The following CLNK variants were observed in gnomAD, a reference collection of about 807,000 sequenced individuals.
CLNK encodes cytokine-dependent hematopoietic cell linker.
CLNK carries 74 observed loss-of-function variants against 68.6 expected under a neutral mutation model. The observed-to-expected ratio is 1.08, with a 90% CI of 0.89 to 1.31. CLNK has a LOEUF of 1.31. Ranked by LOEUF, CLNK falls within the 50% of genes most tolerant of loss-of-function variation. CLNK has a pLI of 0.00. For missense variants in CLNK, 553 were observed against 515.3 expected, an observed-to-expected ratio of 1.07 and a Z score of -0.71; for synonymous variants, 198 against 172.2, an observed-to-expected ratio of 1.15 and a Z score of -1.17.
intron 4 of CLNK, among the ~76,000 whole-genome samples, chr4:10,576,401 C>A (rs895208813): frequency 5.3e-5 from 8 of 152,192 alleles, no homozygotes; most frequent in Admixed American, 3.9e-4. Context: ...CCACAGACAC[C>A]AGACAGCTCC....
chr4:10,589,777 T>C (rs1300839864), intron 3 of CLNK, among the ~76,000 whole-genome samples: 1 of 152,214 alleles, frequency 6.6e-6, no homozygotes, highest in Non-Finnish European at 1.5e-5. Context: ...ACTCTGCAAC[T>C]TGACAGCCCA....
At chr4:10,594,046 C>A (rs988052084) in intron 3 of CLNK, among the ~76,000 whole-genome samples, 4 of 152,192 alleles carry the variant, frequency 2.6e-5, no homozygotes, top group African/African-American at 9.7e-5. Context: ...GCGTCTGTGT[C>A]TGCCATGGTG....
At chr4:10,585,055 T>G in intron 3 of CLNK, 100 bp from the exon 4 acceptor site, 1 of 1,269,616 alleles carries the variant, frequency 7.9e-7, no homozygotes, top group Non-Finnish European at 1.1e-6. Flanking sequence ...ATTGTACAAG[T>G]CAGCCTCTGA....
intron 1 of CLNK, among the ~76,000 whole-genome samples, chr4:10,679,665 A>G (rs1406394221): frequency 6.6e-6 from 1 of 152,258 alleles, no homozygotes; most frequent in Admixed American, 6.5e-5. Flanking sequence ...AAACAAATTT[A>G]CAAGAAAAAA....
chr4:10,518,537 A>T (rs955769424), intron 15 of CLNK, among the ~76,000 whole-genome samples: 3 of 152,206 alleles, frequency 2.0e-5, no homozygotes, highest in Non-Finnish European at 4.4e-5. Flanking sequence ...ATGATCTACA[A>T]TCCCAGACTT....
At chr4:10,616,822 A>G (rs1226583818) in intron 2 of CLNK, among the ~76,000 whole-genome samples, 1 of 21,650 alleles carries the variant, frequency 4.6e-5, no homozygotes, top group Non-Finnish European at 1.7e-4. Flanking sequence ...ATATATATAT[A>G]TACACGCATT....
chr4:10,489,378 T>C lies in CLNK; in HGVS notation c.*1089A>G, dbSNP rs994876473. ...TTGAATGGAAGTCCATAATTGGAAT[T>C]GTTAATACAATTTTTAGTTTCCCTC... On this transcript the variant is annotated 3_prime_UTR_variant, in exon 19 of 19. Transcript: ENST00000226951. 5 of 152,334 alleles carry C rather than the reference T, an allele frequency of 3.3e-5. No individual in the cohort carries two copies. In the East Asian group the frequency reaches 5.8e-4, roughly 18 times the overall value. The allele number at this position is 152,334 out of a possible 1,614,324, so 9.4% of individuals were successfully genotyped here.
intron 2 of CLNK, among the ~76,000 whole-genome samples, chr4:10,606,100 C>G (rs1480143325): frequency 6.6e-6 from 1 of 152,114 alleles, no homozygotes; most frequent in Non-Finnish European, 1.5e-5. Context: ...AATGTTGACT[C>G]TTGTAATAAC....
chr4:10,637,025 T>C (rs151269683), intron 2 of CLNK, among the ~76,000 whole-genome samples: 5,091 of 152,292 alleles, frequency 0.033, 110 homozygotes, highest in Non-Finnish European at 0.052. Context: ...TGTTGCAGTA[T>C]GGAGCAGGGC....
intron 5 of CLNK, 38 bp from the exon 6 acceptor site, chr4:10,566,188 G>C (rs757336903): frequency 6.2e-7 from 1 of 1,604,860 alleles, no homozygotes; most frequent in African/African-American, 1.3e-5. Context: ...TCAAAGGAAG[G>C]TACAATGTTG....
At chr4:10,705,499 C>T in the CLNK span, among the ~76,000 whole-genome samples, 1 of 152,188 alleles carries the variant, frequency 6.6e-6, no homozygotes, top group Non-Finnish European at 1.5e-5. Context: ...GGTCCAATTC[C>T]TTTCCTTCTT....
At chr4:10,491,045 A>T (rs1165357391) in intron 18 of CLNK, among the ~76,000 whole-genome samples, 1 of 152,234 alleles carries the variant, frequency 6.6e-6, no homozygotes, top group African/African-American at 2.4e-5. Context: ...GATTACAGGC[A>T]TGAGCCACCA....
At chr4:10,564,112 T>TC (rs1720004776) in intron 7 of CLNK, among the ~76,000 whole-genome samples, 2 of 151,674 alleles carry the variant, frequency 1.3e-5, no homozygotes, top group South Asian at 4.1e-4. Context: ...TTCTTTTTTT[T>TC]TTTTTTTGAG....
the CLNK span, among the ~76,000 whole-genome samples, chr4:10,733,768 A>C: frequency 2.6e-5 from 4 of 152,192 alleles, no homozygotes; most frequent in Non-Finnish European, 1.5e-5. Flanking sequence ...ATCACTTTTC[A>C]TAGAATATTA....
chr4:10,731,296 T>A, the CLNK span, among the ~76,000 whole-genome samples: 54,381 of 152,110 alleles, frequency 0.36, 11,488 homozygotes, highest in African/African-American at 0.6. Context: ...AAATGAACTA[T>A]CAGATATTCT....
chr4:10,638,200 C>G (rs907530776), intron 2 of CLNK, among the ~76,000 whole-genome samples: 1 of 152,190 alleles, frequency 6.6e-6, no homozygotes, highest in Non-Finnish European at 1.5e-5. Flanking sequence ...CATTTCCTTA[C>G]CATACTGACA....
At chr4:10,669,765 C>T (rs906859106) in intron 1 of CLNK, among the ~76,000 whole-genome samples, 2 of 152,158 alleles carry the variant, frequency 1.3e-5, no homozygotes, top group African/African-American at 4.8e-5. Context: ...AGCCTCATCC[C>T]CTCGTCTTAT....
intron 11 of CLNK, among the ~76,000 whole-genome samples, chr4:10,537,388 G>A (rs1310328531): frequency 1.3e-5 from 2 of 152,156 alleles, no homozygotes; most frequent in Non-Finnish European, 2.9e-5. Context: ...TGAGTCAGGA[G>A]AATCAATTGA....
At chr4:10,591,014 T>C (rs554956152) in intron 3 of CLNK, among the ~76,000 whole-genome samples, 1 of 152,316 alleles carries the variant, frequency 6.6e-6, no homozygotes, top group East Asian at 1.9e-4. Context: ...GTCTGTCTGA[T>C]GACACATCTC....
Sources: allele counts gnomAD v4.1 joint callset (sites outside exome capture counted in the v4.1 genomes callset), GRCh38; gene constraint gnomAD v4.1.1; transcripts MANE v1.5; gene names NCBI Gene and HGNC (gene_info 2026-07-23, HGNC 2026-07-21).